SLC8A3: variants seen among roughly 807,000 people sequenced by gnomAD.
SLC8A3 encodes the protein sodium/calcium exchanger 3.
SLC8A3 carries 37 observed loss-of-function variants against 65.4 expected under a neutral mutation model. That is an observed-to-expected ratio of 0.57 (90% CI 0.44 to 0.74). SLC8A3 has a LOEUF of 0.74. Ranked by LOEUF, SLC8A3 falls within the 30% of genes least tolerant of loss-of-function variation. The probability of loss-of-function intolerance (pLI) is 0.00; values close to 1 mark genes in which losing one functional copy is unlikely to be tolerated. For missense variants in SLC8A3, 1,112 were observed against 1,172.1 expected (o/e 0.95, Z 0.75); for synonymous variants, 461 against 444.5 (o/e 1.04, Z -0.47).
chr14:70,106,488 G>A (rs1470027841), intron 2 of SLC8A3, among the ~76,000 whole-genome samples: 1 of 152,030 alleles, frequency 6.6e-6, no homozygotes, highest in Non-Finnish European at 1.5e-5. Context: ...ATACAATGTT[G>A]GTTTAGAAAG....
chr14:70,179,911 G>T (rs1882586444), intron 1 of SLC8A3, among the ~76,000 whole-genome samples: 1 of 152,206 alleles, frequency 6.6e-6, no homozygotes, highest in Admixed American at 6.5e-5. Context: ...AATGGAGCCA[G>T]AACCAAACCT....
At chr14:70,113,509 T>C (rs1057386284) in intron 2 of SLC8A3, among the ~76,000 whole-genome samples, 2 of 152,254 alleles carry the variant, frequency 1.3e-5, no homozygotes, top group African/African-American at 2.4e-5. Flanking sequence ...AGAAAGCATA[T>C]GGCATTTGCC....
rs996331523 is a variant in SLC8A3 at position 70,044,692 on chromosome 14, A to G, written c.*1255T>C. On this transcript the variant is annotated 3_prime_UTR_variant, in exon 7 of 7. Coordinates refer to ENST00000356921, the MANE Select transcript of SLC8A3 (RefSeq NM_182932.3). The stretch of plus-strand genomic sequence containing the variant: ...GGAGAAATGAGGAATTCCAGTTCCT[A>G]TCTTGTAAAAATGCTTTCATATGTG... The G allele has an allele frequency of 1.1e-4, 17 of 152,198 alleles. No homozygotes were observed. Among genetic ancestry groups the G allele is most frequent in the African/African-American group, 4.1e-4 (17 of 41,452 alleles). The allele number at this position is 152,198 out of a possible 1,614,324, so 9.4% of individuals were successfully genotyped here. A position where few individuals can be genotyped will look rare whatever the true frequency, so the allele number is the denominator to read the frequency against.
intron 2 of SLC8A3, among the ~76,000 whole-genome samples, chr14:70,111,307 A>G (rs965866109): frequency 1.3e-5 from 2 of 152,234 alleles, no homozygotes; most frequent in South Asian, 4.1e-4. Flanking sequence ...CTGCCATGAC[A>G]GTCCACAAAT....
rs934275464 is a variant in SLC8A3 at position 70,048,898 on chromosome 14, G to A, written c.2258C>T (p.Ala753Val). Residue 753 changes from alanine (A) to valine (V), a missense_variant, in exon 6 of 7, where the codon GCC (alanine) becomes GTC (valine). Coordinates refer to ENST00000356921, the MANE Select transcript of SLC8A3 (RefSeq NM_182932.3). Reference protein sequence around the residue: ...TEYCHGWACFAVSILIIGMLT... With the variant: ...TEYCHGWACFVVSILIIGMLT... ...CATGCCAATGATGAGGATGGAGACG[G>A]CGAAGCAGGCCCAGCCGTGGCAGTA... 1.9e-6 allele frequency: 3 copies of A among 1,614,072 alleles called. No homozygotes were observed. The African/African-American group carries it at 4.0e-5, about 22-fold the overall frequency.
chr14:70,168,240 T>C lies in SLC8A3; in HGVS notation c.183A>G (p.Pro61=), dbSNP rs928834872. ...GGGAAGGGTTCTCCGGGTACCAGAT[T>C]GGCAGGATGACACCCTCCTTGCAGT... The part of the protein sequence containing the change: ...SSDCKEGVIL[P]IWYPENPSLG... Residue 61 remains proline, a synonymous_variant, in exon 2 of 7, where the codon CCA becomes CCG. Transcript: ENST00000356921. The C allele has an allele frequency of 1.2e-6, 2 of 1,614,166 alleles. No individual in the cohort carries two copies. Among genetic ancestry groups the C allele is most frequent in the Non-Finnish European group, 1.7e-6 (2 of 1,180,018 alleles).
intron 2 of SLC8A3, among the ~76,000 whole-genome samples, chr14:70,121,602 C>T (rs917773228): frequency 6.6e-6 from 1 of 152,104 alleles, no homozygotes; most frequent in Non-Finnish European, 1.5e-5. Flanking sequence ...GTCATGTAGT[C>T]AAATAAGGGT....
At chr14:70,173,815 G>A (rs901912706) in intron 1 of SLC8A3, among the ~76,000 whole-genome samples, 6 of 152,120 alleles carry the variant, frequency 3.9e-5, no homozygotes, top group African/African-American at 7.2e-5. Context: ...TCCTGTCCTC[G>A]GCAATACTCC....
In SLC8A3 at chr14:70,126,570, T is replaced by TCTCTCACACACACACACACACA. The variant is rs1385909771; in HGVS notation, c.1784+40068_1784+40069insTGTGTGTGTGTGTGTGTGAGAG. ...AATTCTCTCTCTCTCTCTCTCTCTC[T>TCTCTCACACACACACACACACA]CACACACACACACACACACACACAC... On this transcript the variant is annotated intron_variant, in intron 2 of 6. Coordinates refer to ENST00000356921, the MANE Select transcript of SLC8A3 (RefSeq NM_182932.3). 2.6e-5 allele frequency among the ~76,000 whole-genome samples: 3 copies of TCTCTCACACACACACACACACA among 117,114 alleles called. No homozygotes were observed. In the South Asian group the frequency reaches 8.9e-4, roughly 35 times the overall value. 76.8% of individuals were successfully genotyped at this position (117,114 alleles called of 152,430 possible).
At chr14:70,133,818 T>C (rs1054992772) in intron 2 of SLC8A3, among the ~76,000 whole-genome samples, 5 of 152,112 alleles carry the variant, frequency 3.3e-5, no homozygotes, top group African/African-American at 1.2e-4. Context: ...AATAATCAAG[T>C]CAAGAGAAAG....
chr14:70,063,830 A>G, intron 2 of SLC8A3: 3 of 1,592,240 alleles, frequency 1.9e-6, no homozygotes, highest in Non-Finnish European at 1.7e-6. Flanking sequence ...CACCTTTCTG[A>G]AAACTCATAT....
rs374077897 is a variant in SLC8A3 at position 70,051,065 on chromosome 14, C to A, written c.2056G>T (p.Val686Phe). The stretch of plus-strand genomic sequence containing the variant: ...TCCCTCCAGGAATGGGTCCCCACAA[C>A]CAAGGCCAGGTTTGTCTTCTTGATC... The part of the protein sequence containing the change: ...KLIKKTNLAL[V>F]VGTHSWRDQF... The change falls in exon 5 of 7, where the codon GTT (valine) becomes TTT (phenylalanine). Residue 686 changes from valine (V) to phenylalanine (F), a missense_variant. Physicochemically the swap from Val to Phe is conservative, Grantham distance 50. Coordinates refer to ENST00000356921, the MANE Select transcript of SLC8A3 (RefSeq NM_182932.3). 1 of 1,613,784 alleles carries A rather than the reference C, an allele frequency of 6.2e-7. No individual in the cohort carries two copies. The highest frequency in any genetic ancestry group is 8.5e-7 in the Non-Finnish European group (1 of 1,179,708).
chr14:70,073,731 G>A (rs1340066800), intron 2 of SLC8A3, among the ~76,000 whole-genome samples: 1 of 152,168 alleles, frequency 6.6e-6, no homozygotes, highest in Non-Finnish European at 1.5e-5. Flanking sequence ...TTTGATCCAA[G>A]TAGAAAAGAG....
intron 1 of SLC8A3, chr14:70,187,167 T>C (rs1441359959): frequency 1.3e-5 from 2 of 152,660 alleles, no homozygotes; most frequent in African/African-American, 4.8e-5. Context: ...AGTCTGCGTT[T>C]CTGATAAATT....
intron 1 of SLC8A3, among the ~76,000 whole-genome samples, chr14:70,180,773 A>G (rs1182556013): frequency 1.3e-5 from 2 of 152,186 alleles, no homozygotes; most frequent in Admixed American, 6.5e-5. Context: ...CTAGAGCACT[A>G]CTAGTCATTC....
intron 2 of SLC8A3, among the ~76,000 whole-genome samples, chr14:70,164,226 A>G (rs74507838): frequency 0.036 from 5,426 of 152,248 alleles, 317 homozygotes; most frequent in African/African-American, 0.12. Context: ...AAACTACATT[A>G]TTAAATCAGT....
intron 1 of SLC8A3, among the ~76,000 whole-genome samples, chr14:70,182,079 C>T (rs1285994999): frequency 6.6e-6 from 1 of 151,946 alleles, no homozygotes; most frequent in East Asian, 1.9e-4. Context: ...GGGGCATGGG[C>T]TTATAAAATA....
At chr14:70,153,307 G>A (rs868864242) in intron 2 of SLC8A3, among the ~76,000 whole-genome samples, 11 of 152,166 alleles carry the variant, frequency 7.2e-5, no homozygotes, top group Admixed American at 2.6e-4. Context: ...GGGAAGAACC[G>A]GGTGCTGCTC....
intron 1 of SLC8A3, among the ~76,000 whole-genome samples, chr14:70,170,048 A>C (rs1317866293): frequency 6.6e-6 from 1 of 151,912 alleles, no homozygotes; most frequent in Non-Finnish European, 1.5e-5. Flanking sequence ...CACCACTCCA[A>C]CTCTCACTAG....
Sources: gnomAD v4.1 joint callset for allele counts (sites outside exome capture counted in the v4.1 genomes callset) on GRCh38, gnomAD v4.1.1 for gene constraint, MANE v1.5 for transcripts, NCBI Gene and HGNC (gene_info 2026-07-23, HGNC 2026-07-21) for gene names.